CDYL: variants seen among roughly 807,000 people sequenced by gnomAD.
The protein encoded by CDYL is chromodomain Y like, also known as chromodomain Y-like protein.
Under a neutral mutation model 47.3 loss-of-function variants are expected in CDYL, and 8 were observed. The observed-to-expected ratio is 0.17, with a 90% CI of 0.10 to 0.31. The LOEUF is 0.31. CDYL is among the 10% of genes least tolerant of loss of function. The pLI is 1.00. For synonymous variants in CDYL, 266 were observed against 265.0 expected, an observed-to-expected ratio of 1.00 and a Z score of -0.04; for missense variants, 471 against 701.4, an observed-to-expected ratio of 0.67 and a Z score of 3.71.
chr6:4,875,360 T>C (rs1253190204), intron 1 of CDYL, among the ~76,000 whole-genome samples: 1 of 152,178 alleles, frequency 6.6e-6, no homozygotes, highest in Non-Finnish European at 1.5e-5. Flanking sequence ...AAAAAGCCTT[T>C]GGGACTTGTG....
rs149192126 is a variant in CDYL at position 4,874,305 on chromosome 6, GT to G, written c.25-17404del. 8.4e-3 allele frequency among the ~76,000 whole-genome samples: 1,280 copies of G among 152,236 alleles called. 21 individuals carry two copies. Among genetic ancestry groups the G allele is most frequent in the African/African-American group, 0.03 (1,229 of 41,522 alleles). ...ATAGCCTCTTATTTACAGCTTGTCA[GT>G]TTTATTTCATAGCGTTTCTTTTTTA... On this transcript the variant is annotated intron_variant, in intron 1 of 6. Transcript: ENST00000397588.
chr6:4,939,353 A>T (rs1758295941), intron 4 of CDYL, among the ~76,000 whole-genome samples: 1 of 152,116 alleles, frequency 6.6e-6, no homozygotes. Flanking sequence ...GACACCCAAG[A>T]TGGCTCTGAT....
chr6:4,836,869 G>A (rs751787971), intron 1 of CDYL, among the ~76,000 whole-genome samples: 2 of 152,178 alleles, frequency 1.3e-5, no homozygotes, highest in African/African-American at 4.8e-5. Flanking sequence ...CCTGGTTACA[G>A]AATTGGGGAT....
intron 2 of CDYL, among the ~76,000 whole-genome samples, chr6:4,901,010 G>C (rs1757035120): frequency 6.7e-6 from 1 of 149,130 alleles, no homozygotes; most frequent in Non-Finnish European, 1.5e-5. Flanking sequence ...CCCCACTCAG[G>C]GGTGAGGTAG....
At position 4,937,645 on chromosome 6, in the gene CDYL, C is replaced by A. The variant is rs147295406; in HGVS notation, c.1029C>A (p.Ser343Arg). Residue 343 changes from serine (S) to arginine (R), a missense_variant, in exon 4 of 7, where the codon AGC (serine) becomes AGA (arginine). Ser to Arg is a moderately radical substitution (Grantham distance 110). Around this residue, in one of 3 missense-constraint regions of CDYL, gnomAD observed 103 missense variants for 277.1 expected, o/e 0.37. Coordinates refer to ENST00000397588, the MANE Select transcript of CDYL (RefSeq NM_004824.4). The stretch of plus-strand genomic sequence containing the variant: ...TGGTACTGCTCAGCGCCGTTGGCAG[C>A]GTCTTCTGTTGTGGACTTGACTTTA... The part of the protein sequence containing the change: ...SKLVLLSAVG[S>R]VFCCGLDFIY... 3 of 1,613,952 alleles carry A rather than the reference C, an allele frequency of 1.9e-6. No individual in the cohort carries two copies. The highest frequency in any genetic ancestry group is 2.5e-6 in the Non-Finnish European group (3 of 1,179,864).
At chr6:4,732,158 G>A (rs543088167) in intron 2 of CDYL, among the ~76,000 whole-genome samples, 1 of 152,144 alleles carries the variant, frequency 6.6e-6, no homozygotes, top group South Asian at 2.1e-4. Context: ...AACATAGCAA[G>A]ATCCTGTCTC....
chr6:4,943,185 T>G (rs1333197616), intron 4 of CDYL, among the ~76,000 whole-genome samples: 1 of 152,090 alleles, frequency 6.6e-6, no homozygotes, highest in Non-Finnish European at 1.5e-5. Context: ...GCCCAGAATA[T>G]GTACTGGGCT....
chr6:4,940,563 G>A lies in CDYL; in HGVS notation c.1121+2826G>A, dbSNP rs555367522. Among the ~76,000 whole-genome samples, 23 of 152,320 alleles carry A rather than the reference G, an allele frequency of 1.5e-4. No individual in the cohort carries two copies. The South Asian group carries it at 4.1e-3, about 27-fold the overall frequency. On this transcript the variant is annotated intron_variant, in intron 4 of 6. Coordinates refer to ENST00000397588, the MANE Select transcript of CDYL (RefSeq NM_004824.4). ...TATCTAGAGCAGCTGACTTTGTGAC[G>A]AGGATTCGTGGTTTGCAGTTTGCAG...
At chr6:4,869,939 G>A (rs1202246190) in intron 1 of CDYL, among the ~76,000 whole-genome samples, 2 of 152,136 alleles carry the variant, frequency 1.3e-5, no homozygotes, top group African/African-American at 4.8e-5. Context: ...ATTACTGTCT[G>A]GAGTCCTTTC....
chr6:4,759,261 G>A (rs1228443511), intron 3 of CDYL, among the ~76,000 whole-genome samples: 3 of 152,038 alleles, frequency 2.0e-5, no homozygotes, highest in Admixed American at 6.5e-5. Flanking sequence ...GAGCCACCGC[G>A]CCCGGCCAAT....
chr6:4,843,317 A>G (rs1048980306), intron 1 of CDYL, among the ~76,000 whole-genome samples: 1 of 152,062 alleles, frequency 6.6e-6, no homozygotes, highest in Non-Finnish European at 1.5e-5. Context: ...TTTTGCAATA[A>G]ATTTCCCAGG....
At chr6:4,888,113 TG>T (rs1437252164) in intron 1 of CDYL, among the ~76,000 whole-genome samples, 1 of 152,186 alleles carries the variant, frequency 6.6e-6, no homozygotes, top group African/African-American at 2.4e-5. Context: ...TGAGGATTTT[TG>T]TGTCTATATT....
chr6:4,773,241 T>C (rs980400381), upstream of CDYL: 1 of 456,942 alleles, frequency 2.2e-6, no homozygotes, highest in Non-Finnish European at 4.4e-6. The surrounding 1 kb of genome is among the most constrained non-coding windows in gnomAD (Gnocchi z 4.6). Context: ...GTCTCTCTTG[T>C]TGACCACTTC....
intron 3 of CDYL, among the ~76,000 whole-genome samples, chr6:4,738,886 G>A (rs557534746): frequency 6.6e-6 from 1 of 152,338 alleles, no homozygotes; most frequent in South Asian, 2.1e-4. Context: ...ATGTGGCCGG[G>A]CGCAGCGGCT....
chr6:4,864,913 A>G (rs1475816332), intron 1 of CDYL, among the ~76,000 whole-genome samples: 1 of 152,220 alleles, frequency 6.6e-6, no homozygotes, highest in African/African-American at 2.4e-5. Context: ...TATAGGAAGG[A>G]AGGGCCAAAG....
intron 2 of CDYL, among the ~76,000 whole-genome samples, chr6:4,722,353 G>A (rs545298837): frequency 5.9e-5 from 9 of 152,190 alleles, no homozygotes; most frequent in Middle Eastern, 3.4e-3. Context: ...AAGGTAAAGA[G>A]TTCGAGACCA....
At chr6:4,710,403 A>AGGAAGGAAGGAAGGAAGGAAGGAAGGAG (rs10676514) in intron 1 of CDYL, among the ~76,000 whole-genome samples, 1 of 147,672 alleles carries the variant, frequency 6.8e-6, no homozygotes, top group Non-Finnish European at 1.5e-5. Context: ...GAAGGAAGGA[A>AGGAAGGAAGGAAGGAAGGAAGGAAGGAG]ACTACATTTA....
intron 1 of CDYL, chr6:4,714,235 C>G (rs1279859088): frequency 1.3e-5 from 2 of 152,064 alleles, no homozygotes; most frequent in Non-Finnish European, 2.9e-5. Flanking sequence ...GGTATTTACA[C>G]CTGACACTAA....
intron 2 of CDYL, among the ~76,000 whole-genome samples, chr6:4,726,651 G>T (rs1250174290): frequency 6.6e-6 from 1 of 151,532 alleles, no homozygotes; most frequent in Non-Finnish European, 1.5e-5. Flanking sequence ...AGCTGAGATG[G>T]CATCACTGCC....
Sources: allele counts gnomAD v4.1 joint callset (sites outside exome capture counted in the v4.1 genomes callset), GRCh38; gene constraint gnomAD v4.1.1; regional missense constraint gnomAD v4.1.1; non-coding constraint Gnocchi (gnomAD v3.1); transcripts MANE v1.5; gene names NCBI Gene and HGNC (gene_info 2026-07-23, HGNC 2026-07-21).